Variants in KAZN observed in about 807,000 individuals in gnomAD.
KAZN encodes the protein kazrin.
In KAZN, 40 loss-of-function variants were observed where a neutral mutation model predicts 87.4. That is an observed-to-expected ratio of 0.46 (90% CI 0.36 to 0.60). The LOEUF (loss-of-function observed/expected upper bound fraction) is 0.60. KAZN is among the 20% of genes least tolerant of loss of function. KAZN has a pLI of 0.00. For synonymous variants in KAZN, 466 were observed against 458.3 expected, an observed-to-expected ratio of 1.02 and a Z score of -0.22; for missense variants, 898 against 1,073.9, an observed-to-expected ratio of 0.84 and a Z score of 2.29.
At chr1:14,061,877 C>G (rs988178178) in intron 1 of KAZN, among the ~76,000 whole-genome samples, 2 of 152,074 alleles carry the variant, frequency 1.3e-5, no homozygotes, top group African/African-American at 2.4e-5. Context: ...GGAAGACTGT[C>G]GAGGTCACCA....
At chr1:14,267,351 C>A in intron 2 of KAZN, among the ~76,000 whole-genome samples, 1 of 133,476 alleles carries the variant, frequency 7.5e-6, no homozygotes. Flanking sequence ...CTAACAATAG[C>A]CGATAAGCAA....
At chr1:14,219,308 A>G (rs1647039534) in intron 2 of KAZN, among the ~76,000 whole-genome samples, 1 of 151,990 alleles carries the variant, frequency 6.6e-6, no homozygotes, top group Admixed American at 6.6e-5. Context: ...AAATGATTGT[A>G]TAGAGGGTTT....
At chr1:14,931,855 A>G (rs1426992395) in intron 1 of KAZN, among the ~76,000 whole-genome samples, 1 of 152,188 alleles carries the variant, frequency 6.6e-6, no homozygotes, top group Non-Finnish European at 1.5e-5. Flanking sequence ...GGCCCAAAGT[A>G]CACAGTCAGG....
At chr1:14,767,941 G>A (rs1421492618) in intron 1 of KAZN, among the ~76,000 whole-genome samples, 1 of 152,202 alleles carries the variant, frequency 6.6e-6, no homozygotes, top group Non-Finnish European at 1.5e-5. Context: ...TGCCTGCAAA[G>A]TTCAATCTTC....
chr1:14,674,974 A>G (rs12121042), intron 1 of KAZN, among the ~76,000 whole-genome samples: 70,652 of 151,550 alleles, frequency 0.47, 16,566 homozygotes, highest in South Asian at 0.53. Flanking sequence ...TTTTTGTAGG[A>G]ACAAAATCTT....
chr1:14,786,261 A>G (rs544632567), intron 1 of KAZN, among the ~76,000 whole-genome samples: 1 of 152,318 alleles, frequency 6.6e-6, no homozygotes, highest in African/African-American at 2.4e-5. Context: ...CTACTAATTA[A>G]CAATTATAGC....
Position 14,410,031 on chromosome 1 carries a change from T to C in KAZN, c.250-188952T>C, listed in dbSNP as rs138178370. Among the ~76,000 whole-genome samples the C allele has an allele frequency of 4.2e-3, 644 of 152,294 alleles. 4 individuals are homozygous for C. The highest frequency in any genetic ancestry group is 0.015 in the African/African-American group (619 of 41,562). ...AGATATGAGGAAATTACTCAGAATG[T>C]ATTGCACAGAGTTAAAAGGCAAAAA... On this transcript the variant is annotated intron_variant, in intron 2 of 16. Transcript: ENST00000636203.
intron 1 of KAZN, among the ~76,000 whole-genome samples, chr1:14,862,279 C>T (rs571090384): frequency 6.2e-4 from 94 of 152,246 alleles, no homozygotes; most frequent in African/African-American, 2.3e-3. Context: ...AGGAACCAGC[C>T]TTTTGGTTGC....
At chr1:14,859,511 A>T (rs1174695170) in intron 1 of KAZN, among the ~76,000 whole-genome samples, 1 of 152,174 alleles carries the variant, frequency 6.6e-6, no homozygotes. Context: ...TTTCCTGAGA[A>T]GTGGAGGGGA....
intron 1 of KAZN, among the ~76,000 whole-genome samples, chr1:14,678,566 T>G (rs1473158884): frequency 6.6e-6 from 1 of 152,206 alleles, no homozygotes; most frequent in Admixed American, 6.5e-5. Context: ...AAAGTCCCTT[T>G]TGTATATACA....
At chr1:14,784,880 G>A (rs1196235309) in intron 1 of KAZN, among the ~76,000 whole-genome samples, 1 of 152,060 alleles carries the variant, frequency 6.6e-6, no homozygotes, top group Non-Finnish European at 1.5e-5. Context: ...CCATGTCTGA[G>A]AATAGCCTCT....
At chr1:14,883,376 A>G (rs1572722833) in intron 1 of KAZN, among the ~76,000 whole-genome samples, 2 of 111,312 alleles carry the variant, frequency 1.8e-5, no homozygotes, top group Admixed American at 9.2e-5. Context: ...AGAAAGAAAG[A>G]AAGAAAGAAA....
Position 14,902,922 on chromosome 1 carries a change from G to A in KAZN, c.227-57762G>A, listed in dbSNP as rs940761292. On this transcript the variant is annotated intron_variant, in intron 1 of 14. Coordinates refer to ENST00000376030, the MANE Select transcript of KAZN (RefSeq NM_201628.3). The stretch of plus-strand genomic sequence containing the variant: ...TTGCTCTTGTCACCCAAGCTGGAGT[G>A]CATGTCATGATCTTGGGTCACTGCA... Among the ~76,000 whole-genome samples the A allele has an allele frequency of 7.0e-4, 4 of 5,732 alleles. No individual in the cohort carries two copies. The Non-Finnish European group carries it at 0.032, about 46-fold the overall frequency. 3.8% of individuals were successfully genotyped at this position (5,732 alleles called of 152,430 possible).
chr1:14,571,662 T>G (rs1157990618), intron 2 of KAZN, among the ~76,000 whole-genome samples: 1 of 152,050 alleles, frequency 6.6e-6, no homozygotes, highest in Non-Finnish European at 1.5e-5. Context: ...AGCCATCACG[T>G]TTGCATTTAT....
At chr1:14,928,875 C>T (rs945015418) in intron 1 of KAZN, among the ~76,000 whole-genome samples, 6 of 152,192 alleles carry the variant, frequency 3.9e-5, no homozygotes, top group Non-Finnish European at 5.9e-5. Context: ...GCACCCTCTG[C>T]CCTCCACCCT....
At chr1:14,550,973 CT>C (rs1673481272) in intron 2 of KAZN, among the ~76,000 whole-genome samples, 1 of 151,968 alleles carries the variant, frequency 6.6e-6, no homozygotes, top group Non-Finnish European at 1.5e-5. Flanking sequence ...CTCTCCTCCC[CT>C]ATCCCGGCTA....
intron 2 of KAZN, among the ~76,000 whole-genome samples, chr1:14,418,378 G>C (rs1665012888): frequency 6.6e-6 from 1 of 152,166 alleles, no homozygotes; most frequent in African/African-American, 2.4e-5. Context: ...GCATAAAGTA[G>C]TTTGCACTGT....
intron 2 of KAZN, among the ~76,000 whole-genome samples, chr1:14,527,705 G>C (rs1326102045): frequency 6.6e-6 from 1 of 152,122 alleles, no homozygotes; most frequent in African/African-American, 2.4e-5. Flanking sequence ...GTGCAGAGAT[G>C]GCAAGAGAGG....
intron 2 of KAZN, among the ~76,000 whole-genome samples, chr1:14,572,949 G>GT (rs1674960372): frequency 6.6e-6 from 1 of 152,142 alleles, no homozygotes; most frequent in Admixed American, 6.5e-5. Flanking sequence ...AAGAAATAAA[G>GT]TTTTCCGTGC....
Sources: gnomAD v4.1 joint callset for allele counts (sites outside exome capture counted in the v4.1 genomes callset) on GRCh38, gnomAD v4.1.1 for gene constraint, MANE v1.5 for transcripts, NCBI Gene and HGNC (gene_info 2026-07-23, HGNC 2026-07-21) for gene names.